The following SPOP variants were observed in gnomAD, a reference collection of about 807,000 sequenced individuals.
SPOP encodes speckle-type POZ protein.
SPOP carries 11 observed loss-of-function variants against 45.6 expected under a neutral mutation model. The observed-to-expected ratio is 0.24, with a 90% CI of 0.15 to 0.40. SPOP has a LOEUF of 0.40. Among genes scored for constraint, SPOP ranks in the 10% least tolerant of loss-of-function variants. The pLI is 1.00. For synonymous variants in SPOP, 166 were observed against 166.3 expected (o/e 1.00, Z 0.01); for missense variants, 152 against 465.6 (o/e 0.33, Z 6.20).
chr17:49,674,592 C>T (rs1435478715), intron 1 of SPOP, among the ~76,000 whole-genome samples: 1 of 152,164 alleles, frequency 6.6e-6, no homozygotes, highest in Non-Finnish European at 1.5e-5. Context: ...ATGCTAGTAC[C>T]AGTATTCTGT....
At chr17:49,674,492 G>A (rs922795098) in intron 1 of SPOP, among the ~76,000 whole-genome samples, 18 of 152,150 alleles carry the variant, frequency 1.2e-4, no homozygotes, top group Admixed American at 6.5e-5. Context: ...CAACAAGACT[G>A]TAAGCTCTCT....
At chr17:49,640,357 TAC>T (rs1441907894) in intron 1 of SPOP, among the ~76,000 whole-genome samples, 8 of 152,052 alleles carry the variant, frequency 5.3e-5, no homozygotes, top group African/African-American at 1.7e-4. Context: ...TTGCAAATAA[TAC>T]AGTTTTTTTA....
intron 1 of SPOP, among the ~76,000 whole-genome samples, chr17:49,657,547 C>T (rs1027726362): frequency 1.3e-5 from 2 of 150,844 alleles, no homozygotes; most frequent in African/African-American, 4.9e-5. Flanking sequence ...TACATGCACC[C>T]GCCACCACGC....
At chr17:49,647,239 CAG>C (rs1162340062) in intron 1 of SPOP, among the ~76,000 whole-genome samples, 8 of 136,814 alleles carry the variant, frequency 5.8e-5, no homozygotes, top group Non-Finnish European at 1.2e-4. Flanking sequence ...GCCCAGGAGG[CAG>C]AGAGGTTGCA....
At chr17:49,615,079 G>A (rs201449948) in intron 5 of SPOP, among the ~76,000 whole-genome samples, 29 of 151,974 alleles carry the variant, frequency 1.9e-4, no homozygotes, top group African/African-American at 6.3e-4. Flanking sequence ...GGCTGGTCTC[G>A]AACTTCTGGG....
chr17:49,627,998 T>G (rs1000085880), intron 1 of SPOP, among the ~76,000 whole-genome samples: 1 of 152,166 alleles, frequency 6.6e-6, no homozygotes, highest in African/African-American at 2.4e-5. Context: ...CAAAGTAGCC[T>G]AGTGCTACAT....
rs1233331053 is a variant in SPOP at position 49,599,381 on chromosome 17, G to A, written c.*997C>T. 1.3e-5 allele frequency: 3 copies of A among 225,698 alleles called. No homozygotes were observed. The highest frequency in any genetic ancestry group is 2.7e-5 in the Non-Finnish European group (3 of 113,106). 14.0% of individuals were successfully genotyped at this position (225,698 alleles called of 1,614,324 possible). ...GGGGCTAGTCAGAAGGAACAGAACT[G>A]GCTCCTATGCAGGCGGCAAGTCAGG... is the stretch of plus-strand genomic sequence containing the variant. On this transcript the variant is annotated 3_prime_UTR_variant, in exon 10 of 10. Transcript: ENST00000504102.
chr17:49,600,284 G>C lies in SPOP; in HGVS notation c.*94C>G. 1 of 1,526,974 alleles carries C rather than the reference G, an allele frequency of 6.5e-7. No homozygotes were observed. Among genetic ancestry groups the C allele is most frequent in the Non-Finnish European group, 9.0e-7 (1 of 1,111,840 alleles). 94.6% of individuals were successfully genotyped at this position (1,526,974 alleles called of 1,614,324 possible). ...CTCTTCCCCTCACAACAGAGTAAAA[G>C]CTCCACAGATTGCGCTGTCTACCTG... On this transcript the variant is annotated 3_prime_UTR_variant, in exon 10 of 10. Coordinates refer to ENST00000504102, the MANE Select transcript of SPOP (RefSeq NM_001007228.2). The surrounding 1 kb of genome is among the most constrained non-coding windows in gnomAD (Gnocchi z 4.2).
intron 1 of SPOP, among the ~76,000 whole-genome samples, chr17:49,650,061 T>G (rs2072820779): frequency 6.6e-6 from 1 of 151,328 alleles, no homozygotes; most frequent in Admixed American, 6.6e-5. Flanking sequence ...CCGGCTAATT[T>G]TGTATTTTTA....
At chr17:49,673,610 G>T (rs1270790563) in intron 1 of SPOP, among the ~76,000 whole-genome samples, 1 of 152,150 alleles carries the variant, frequency 6.6e-6, no homozygotes, top group Non-Finnish European at 1.5e-5. Flanking sequence ...GGTGATAATT[G>T]TACTATTTTT....
At chr17:49,637,219 A>T (rs994007640) in intron 1 of SPOP, among the ~76,000 whole-genome samples, 1 of 152,114 alleles carries the variant, frequency 6.6e-6, no homozygotes, top group African/African-American at 2.4e-5. Context: ...TGGGTGACAG[A>T]GTGATACTCT....
chr17:49,664,833 C>T (rs1246903955), intron 1 of SPOP, among the ~76,000 whole-genome samples: 1 of 152,212 alleles, frequency 6.6e-6, no homozygotes, highest in Non-Finnish European at 1.5e-5. Context: ...CACTAGAGTC[C>T]ATAAACTCTT....
intron 1 of SPOP, among the ~76,000 whole-genome samples, chr17:49,677,554 A>T (rs2073216417): frequency 6.6e-6 from 1 of 152,136 alleles, no homozygotes; most frequent in African/African-American, 2.4e-5. Context: ...TCCCTGCAAC[A>T]CCGCGATGCG....
intron 1 of SPOP, among the ~76,000 whole-genome samples, chr17:49,642,503 A>G (rs900122715): frequency 8.5e-5 from 13 of 152,282 alleles, no homozygotes; most frequent in Middle Eastern, 3.4e-3. Context: ...AAAAAAGAGA[A>G]AGTTCTTTAT....
chr17:49,628,592 G>A (rs2072386396), intron 1 of SPOP, among the ~76,000 whole-genome samples: 1 of 151,846 alleles, frequency 6.6e-6, no homozygotes, highest in Non-Finnish European at 1.5e-5. Flanking sequence ...AAATCCAAAA[G>A]TTTTTGAGCA....
At chr17:49,668,928 C>T (rs2073099836) in intron 1 of SPOP, among the ~76,000 whole-genome samples, 1 of 151,946 alleles carries the variant, frequency 6.6e-6, no homozygotes, top group Admixed American at 6.6e-5. Flanking sequence ...AGGCGCCCGC[C>T]ACCATGCCCA....
intron 1 of SPOP, among the ~76,000 whole-genome samples, chr17:49,670,518 G>C (rs969691310): frequency 6.6e-6 from 1 of 152,172 alleles, no homozygotes; most frequent in Non-Finnish European, 1.5e-5. Flanking sequence ...ATCTGGCTTT[G>C]AGTAACCTGA....
intron 1 of SPOP, among the ~76,000 whole-genome samples, chr17:49,653,073 C>T (rs2072862799): frequency 1.3e-5 from 2 of 152,136 alleles, no homozygotes; most frequent in Non-Finnish European, 2.9e-5. Flanking sequence ...CTTGAAGATA[C>T]TTTCCTGAAT....
intron 1 of SPOP, among the ~76,000 whole-genome samples, chr17:49,674,076 G>A (rs1170777110): frequency 6.6e-6 from 1 of 152,142 alleles, no homozygotes; most frequent in Non-Finnish European, 1.5e-5. Context: ...GAACCAGGGA[G>A]GCAGAGGTTG....
Sources: gnomAD v4.1 joint callset for allele counts (sites outside exome capture counted in the v4.1 genomes callset) on GRCh38, gnomAD v4.1.1 for gene constraint, Gnocchi (gnomAD v3.1) non-coding constraint, MANE v1.5 for transcripts, NCBI Gene and HGNC (gene_info 2026-07-23, HGNC 2026-07-21) for gene names.